Variants in KSR1 observed in about 807,000 individuals in gnomAD.
KSR1 encodes kinase suppressor of ras 1.
A neutral mutation model predicts 92.9 loss-of-function variants in KSR1; 35 were observed. The observed-to-expected ratio is 0.38, with a 90% confidence interval of 0.29 to 0.50. The LOEUF is 0.50. KSR1 is among the 20% of genes least tolerant of loss of function. The pLI is 0.94. For missense variants in KSR1, 972 were observed against 1,158.5 expected (o/e 0.84, Z 2.34); for synonymous variants, 467 against 472.6 (o/e 0.99, Z 0.15).
chr17:27,458,503 T>C (rs1174204924), intron 1 of KSR1, among the ~76,000 whole-genome samples: 1 of 152,214 alleles, frequency 6.6e-6, no homozygotes, highest in Non-Finnish European at 1.5e-5. Context: ...GTGCATTCTC[T>C]GGAATGGCCT....
intron 9 of KSR1, 43 bp from the exon 10 acceptor site, chr17:27,597,225 G>A (rs2073373387): frequency 5.8e-6 from 9 of 1,548,356 alleles, no homozygotes; most frequent in Non-Finnish European, 7.0e-6. Context: ...AGGCAGGTGG[G>A]GCCAGGACAG....
intron 1 of KSR1, among the ~76,000 whole-genome samples, chr17:27,545,159 T>C (rs2948527): frequency 0.41 from 62,157 of 151,986 alleles, 13,368 homozygotes; most frequent in African/African-American, 0.54. Context: ...TCTGCACAGT[T>C]CTACCCATGG....
intron 10 of KSR1, among the ~76,000 whole-genome samples, chr17:27,598,642 C>A (rs756123452): frequency 7.2e-5 from 11 of 152,206 alleles, no homozygotes; most frequent in Non-Finnish European, 1.5e-4. Context: ...TGAAACTGTG[C>A]CTTTTGCTAA....
At chr17:27,477,819 C>A (rs555139948) in intron 1 of KSR1, among the ~76,000 whole-genome samples, 52 of 152,132 alleles carry the variant, frequency 3.4e-4, no homozygotes, top group African/African-American at 1.2e-3. Context: ...CTCAAGCAAT[C>A]CTCCTGCCTC....
At chr17:27,458,847 C>T (rs1458037337) in intron 1 of KSR1, among the ~76,000 whole-genome samples, 1 of 152,114 alleles carries the variant, frequency 6.6e-6, no homozygotes, top group Non-Finnish European at 1.5e-5. Flanking sequence ...GTCACTTCAT[C>T]CCGGAGGCCT....
intron 1 of KSR1, among the ~76,000 whole-genome samples, chr17:27,502,547 A>C (rs936869842): frequency 6.6e-6 from 1 of 152,268 alleles, no homozygotes; most frequent in African/African-American, 2.4e-5. Flanking sequence ...GAAAAGGCAG[A>C]GGCCGGCCTC....
chr17:27,538,246 T>C (rs956854271), intron 1 of KSR1, among the ~76,000 whole-genome samples: 5 of 152,248 alleles, frequency 3.3e-5, no homozygotes, highest in Non-Finnish European at 7.3e-5. Context: ...TAGGCCATTA[T>C]GTTTCTCCTA....
intron 1 of KSR1, among the ~76,000 whole-genome samples, chr17:27,471,689 C>G (rs999083915): frequency 6.6e-6 from 1 of 152,200 alleles, no homozygotes; most frequent in Admixed American, 6.5e-5. Context: ...CCTCCTACTT[C>G]CCCCTCCGCC....
intron 15 of KSR1, 104 bp downstream of exon 15, chr17:27,608,114 T>G: frequency 1.3e-6 from 1 of 753,088 alleles, no homozygotes; most frequent in Non-Finnish European, 2.3e-6. Context: ...TTGGGCAGCT[T>G]TGCCTCTCCT....
chr17:27,479,518 G>A (rs1448444580), intron 1 of KSR1, among the ~76,000 whole-genome samples: 2 of 152,010 alleles, frequency 1.3e-5, no homozygotes, highest in African/African-American at 2.4e-5. Context: ...GGAAGGTGCC[G>A]CTCCTAGTGC....
chr17:27,468,433 A>G (rs928384245), intron 1 of KSR1, among the ~76,000 whole-genome samples: 7 of 151,788 alleles, frequency 4.6e-5, no homozygotes, highest in Non-Finnish European at 1.0e-4. Flanking sequence ...ACAGGGTTTC[A>G]CCATGTTGGC....
rs1444304562 is a variant in KSR1, at chr17:27,601,366, A to G, written c.1475A>G (p.Tyr492Cys). 1.2e-6 allele frequency: 2 copies of G among 1,613,392 alleles called. No individual in the cohort carries two copies. The highest frequency in any genetic ancestry group is 1.7e-5 in the Admixed American group (1 of 60,012). ...RDSRFNFPAA[Y>C]FIHHRQQFIF... ...CCTCCTCTTCTGTTTAAAGCTGCCT[A>G]CTTCATTCATCATAGACAGCAGTTT... The change falls in exon 11 of 21, where the codon TAC becomes TGC. Residue 492 changes from tyrosine to cysteine, a missense_variant. Tyr to Cys is a radical substitution (Grantham distance 194). This residue lies in a region of KSR1 where 611 missense variants were observed against 668.0 expected (regional missense o/e 0.91). Transcript: ENST00000644974.
At chr17:27,567,662 A>G (rs920241190) in intron 2 of KSR1, among the ~76,000 whole-genome samples, 3 of 152,254 alleles carry the variant, frequency 2.0e-5, no homozygotes, top group Non-Finnish European at 4.4e-5. Flanking sequence ...CCTCAGGGAC[A>G]TCTTGACCTT....
intron 11 of KSR1, among the ~76,000 whole-genome samples, chr17:27,603,577 T>TCCCCTGCCCAGAG (rs755474986): frequency 2.0e-5 from 3 of 151,768 alleles, no homozygotes; most frequent in Non-Finnish European, 2.9e-5. Context: ...CCTGCCCAGA[T>TCCCCTGCCCAGAG]CCCCTGCCCA....
rs144760657 is a variant in KSR1 at position 27,506,501 on chromosome 17, T to A, written c.232-44067T>A. Among the ~76,000 whole-genome samples, 3 of 152,338 alleles carry A rather than the reference T, an allele frequency of 2.0e-5. No individual in the cohort carries two copies. In the East Asian group the frequency reaches 5.8e-4, roughly 29 times the overall value. ...GATTATGTGGATGTAGTTGGATTTGTCCAACCTGTGTCTGGGGTTGCACAT... is the reference window on the plus strand; with the variant it reads ...GATTATGTGGATGTAGTTGGATTTGACCAACCTGTGTCTGGGGTTGCACAT... On this transcript the variant is annotated intron_variant, in intron 1 of 20. Coordinates refer to ENST00000644974, the MANE Select transcript of KSR1 (RefSeq NM_001394583.1).
intron 1 of KSR1, among the ~76,000 whole-genome samples, chr17:27,539,541 C>T (rs1344490086): frequency 6.6e-6 from 1 of 152,196 alleles, no homozygotes; most frequent in Non-Finnish European, 1.5e-5. Flanking sequence ...GGACCCCTGC[C>T]GCTTACGACC....
chr17:27,502,668 T>C (rs1282077774), intron 1 of KSR1, among the ~76,000 whole-genome samples: 1 of 152,212 alleles, frequency 6.6e-6, no homozygotes, highest in Non-Finnish European at 1.5e-5. Context: ...CTGTGCTTGC[T>C]CACACTTGAG....
intron 1 of KSR1, among the ~76,000 whole-genome samples, chr17:27,501,292 CTTTTTTTTTTTTTTTT>C: frequency 2.0e-5 from 1 of 49,702 alleles, no homozygotes. Context: ...TTCTTTTCTT[CTTTTTTTTTTTTTTTT>C]TTTTTTTTTG....
chr17:27,555,360 G>A (rs1254209323), intron 2 of KSR1, among the ~76,000 whole-genome samples: 1 of 152,138 alleles, frequency 6.6e-6, no homozygotes, highest in Non-Finnish European at 1.5e-5. Flanking sequence ...TATCAGTATA[G>A]GCTCATGTCT....
Sources: allele counts gnomAD v4.1 joint callset (sites outside exome capture counted in the v4.1 genomes callset), GRCh38; gene constraint gnomAD v4.1.1; regional missense constraint gnomAD v4.1.1; transcripts MANE v1.5; gene names NCBI Gene and HGNC (gene_info 2026-07-23, HGNC 2026-07-21).